Variants in AGMO observed in about 807,000 individuals in gnomAD.
AGMO encodes glyceryl-ether monooxygenase.
AGMO carries 75 observed loss-of-function variants against 60.2 expected under a neutral mutation model. The observed-to-expected ratio is 1.25, with a 90% CI of 1.03 to 1.51. The LOEUF is 1.51. Among genes scored for constraint, AGMO ranks in the 40% most tolerant of loss-of-function variants. The probability of loss-of-function intolerance (pLI) is 0.00; values close to 1 mark genes in which losing one functional copy is unlikely to be tolerated. For missense variants in AGMO, 763 were observed against 525.5 expected (o/e 1.45, Z -4.42); for synonymous variants, 261 against 177.1 (o/e 1.47, Z -3.76).
chr7:15,250,514 A>G (rs908655254), intron 12 of AGMO, among the ~76,000 whole-genome samples: 2 of 151,800 alleles, frequency 1.3e-5, no homozygotes, highest in Non-Finnish European at 2.9e-5. Flanking sequence ...TCTCAGAAGG[A>G]ATTGAGCCTA....
intron 3 of AGMO, among the ~76,000 whole-genome samples, chr7:15,508,682 G>C (rs757103334): frequency 1.3e-5 from 2 of 151,854 alleles, no homozygotes; most frequent in Non-Finnish European, 2.9e-5. Flanking sequence ...CGCACAGTGG[G>C]AGATAGTCCA....
the AGMO span, among the ~76,000 whole-genome samples, chr7:15,168,731 T>C: frequency 6.6e-6 from 1 of 152,308 alleles, no homozygotes; most frequent in Non-Finnish European, 1.5e-5. Context: ...GCTCTGTCAC[T>C]AGATGGGGCC....
At chr7:15,128,863 G>A in the AGMO span, among the ~76,000 whole-genome samples, 2 of 152,046 alleles carry the variant, frequency 1.3e-5, no homozygotes, top group African/African-American at 4.8e-5. Context: ...TGTAGCTAGG[G>A]AGTCAGCCAA....
intron 10 of AGMO, among the ~76,000 whole-genome samples, chr7:15,370,083 G>A (rs551096053): frequency 2.0e-5 from 3 of 152,150 alleles, no homozygotes; most frequent in African/African-American, 7.2e-5. Context: ...AGTCCCCAGT[G>A]TCTATTGTTG....
chr7:15,357,190 CGTGTGTGTGTGTGTGTGT>C (rs36124819), intron 12 of AGMO, among the ~76,000 whole-genome samples: 15 of 144,460 alleles, frequency 1.0e-4, no homozygotes, highest in African/African-American at 2.3e-4. Context: ...TATGAATATT[CGTGTGTGTGTGTGTGTGT>C]GTGTGTGTGT....
At chr7:15,139,668 G>A in the AGMO span, among the ~76,000 whole-genome samples, 23 of 151,884 alleles carry the variant, frequency 1.5e-4, 1 homozygote, top group Admixed American at 7.9e-4. Context: ...TTAGGGGCAA[G>A]GAGTTGGTAC....
At chr7:15,366,563 C>G (rs1275505403) in intron 10 of AGMO, among the ~76,000 whole-genome samples, 2 of 152,122 alleles carry the variant, frequency 1.3e-5, no homozygotes, top group East Asian at 1.9e-4. Flanking sequence ...TGTATAAATA[C>G]TGTATTCTAA....
At chr7:15,248,225 T>TATATATATATATATATA in intron 12 of AGMO, among the ~76,000 whole-genome samples, 3 of 115,072 alleles carry the variant, frequency 2.6e-5, no homozygotes, top group Non-Finnish European at 5.3e-5. Flanking sequence ...TATATATATA[T>TATATATATATATATATA]CTTCATCTTC....
intron 5 of AGMO, among the ~76,000 whole-genome samples, chr7:15,403,268 C>T (rs1784602685): frequency 2.0e-5 from 3 of 151,774 alleles, no homozygotes; most frequent in Admixed American, 2.0e-4. Context: ...TCCTGTAGTG[C>T]AGATTTGCAA....
At chr7:15,542,788 G>A (rs933856833) in intron 3 of AGMO, among the ~76,000 whole-genome samples, 1 of 152,072 alleles carries the variant, frequency 6.6e-6, no homozygotes, top group Non-Finnish European at 1.5e-5. Context: ...TATATATGAG[G>A]AAATAGTGTC....
chr7:15,324,951 C>A (rs1411584188), intron 12 of AGMO, among the ~76,000 whole-genome samples: 1 of 151,734 alleles, frequency 6.6e-6, no homozygotes, highest in Non-Finnish European at 1.5e-5. Flanking sequence ...GACCCCAGCT[C>A]TAGTGAATCT....
intron 12 of AGMO, among the ~76,000 whole-genome samples, chr7:15,353,612 A>C (rs1782341554): frequency 6.6e-6 from 1 of 152,218 alleles, no homozygotes; most frequent in Admixed American, 6.5e-5. Flanking sequence ...TTTGGACGTG[A>C]AATTTTTCCG....
chr7:15,388,902 T>G (rs1457926421), intron 8 of AGMO, among the ~76,000 whole-genome samples: 1 of 152,156 alleles, frequency 6.6e-6, no homozygotes, highest in Non-Finnish European at 1.5e-5. Flanking sequence ...TGGCAATTAC[T>G]ATGCTGAAGG....
intron 3 of AGMO, among the ~76,000 whole-genome samples, chr7:15,454,225 A>G (rs1781936311): frequency 6.6e-6 from 1 of 152,076 alleles, no homozygotes; most frequent in Non-Finnish European, 1.5e-5. Context: ...TAAGTTCCAG[A>G]GGTCTAACAT....
chr7:15,540,338 G>A (rs1409611294), intron 3 of AGMO, among the ~76,000 whole-genome samples: 1 of 152,114 alleles, frequency 6.6e-6, no homozygotes. Flanking sequence ...TTTTTGGTGT[G>A]GCCCCCTGAA....
chr7:15,257,574 T>C (rs370300450), intron 12 of AGMO, among the ~76,000 whole-genome samples: 1 of 152,216 alleles, frequency 6.6e-6, no homozygotes, highest in East Asian at 1.9e-4. Context: ...TTTTCCCCTC[T>C]GATGATTAGA....
At chr7:15,537,205 G>T (rs888323469) in intron 3 of AGMO, among the ~76,000 whole-genome samples, 1 of 151,870 alleles carries the variant, frequency 6.6e-6, no homozygotes, top group South Asian at 2.1e-4. Context: ...ATCTATACTT[G>T]GTTCCTGGAC....
chr7:15,124,048 A>C, the AGMO span, among the ~76,000 whole-genome samples: 1 of 152,062 alleles, frequency 6.6e-6, no homozygotes, highest in African/African-American at 2.4e-5. Context: ...GGTTTTTATG[A>C]TATTTAGAAT....
intron 12 of AGMO, among the ~76,000 whole-genome samples, chr7:15,280,587 A>G (rs913662868): frequency 1.3e-5 from 2 of 151,692 alleles, no homozygotes; most frequent in Non-Finnish European, 2.9e-5. Context: ...AATCCAGAAT[A>G]CCTCTCCTGG....
Sources: allele counts gnomAD v4.1 joint callset (sites outside exome capture counted in the v4.1 genomes callset), GRCh38; gene constraint gnomAD v4.1.1; transcripts MANE v1.5; gene names NCBI Gene and HGNC (gene_info 2026-07-23, HGNC 2026-07-21).